ARPP21: variants seen among roughly 807,000 people sequenced by gnomAD.
ARPP21 encodes cAMP-regulated phosphoprotein 21.
ARPP21 carries 69 observed loss-of-function variants against 113.2 expected under a neutral mutation model. That is an observed-to-expected ratio of 0.61 (90% CI 0.50 to 0.74). The LOEUF is 0.74. Among genes scored for constraint, ARPP21 ranks in the 30% least tolerant of loss-of-function variants. The pLI is 0.00. For missense variants in ARPP21, 1,070 were observed against 1,037.4 expected, an observed-to-expected ratio of 1.03 and a Z score of -0.43; for synonymous variants, 368 against 375.5, an observed-to-expected ratio of 0.98 and a Z score of 0.23.
intron 15 of ARPP21, among the ~76,000 whole-genome samples, chr3:35,735,776 C>T (rs1214269544): frequency 6.6e-6 from 1 of 152,194 alleles, no homozygotes. Context: ...CCCACTGCTC[C>T]TTTTCCAATA....
chr3:35,694,865 A>G (rs775299574), intron 9 of ARPP21, among the ~76,000 whole-genome samples: 28 of 149,788 alleles, frequency 1.9e-4, no homozygotes, highest in Admixed American at 4.7e-4. Flanking sequence ...TACTGCCACA[A>G]GATGTGATTT....
chr3:35,731,596 T>C (rs1264741550), intron 15 of ARPP21, among the ~76,000 whole-genome samples: 3 of 152,224 alleles, frequency 2.0e-5, no homozygotes, highest in Non-Finnish European at 4.4e-5. Flanking sequence ...TATGTGTATG[T>C]ACATATATGC....
intron 1 of ARPP21, among the ~76,000 whole-genome samples, chr3:35,667,897 G>A (rs4025937): frequency 0.084 from 5,764 of 68,282 alleles, 484 homozygotes; most frequent in Middle Eastern, 0.14. Flanking sequence ...AAGAGGAAGA[G>A]GAAGAGGAAG....
At chr3:35,710,100 G>A (rs142010260) in intron 11 of ARPP21, among the ~76,000 whole-genome samples, 11 of 152,202 alleles carry the variant, frequency 7.2e-5, no homozygotes, top group African/African-American at 1.2e-4. Context: ...CTTCTTTCAC[G>A]TTTATATCCC....
rs750274880 is a variant in ARPP21 at position 35,744,603 on chromosome 3, C to G, written c.2137+638C>G. 1.2e-5 allele frequency: 6 copies of G among 482,584 alleles called. 1 individual carries two copies. Among genetic ancestry groups the G allele is most frequent in the South Asian group, 9.5e-5 (6 of 63,042 alleles). 29.9% of individuals were successfully genotyped at this position (482,584 alleles called of 1,614,324 possible). ...CGTTATCCAAAGAGCAGCACGAACCCGACAGGGCTGAGTGGCTTGTGCTAG... is the reference window on the plus strand; with the variant it reads ...CGTTATCCAAAGAGCAGCACGAACCGGACAGGGCTGAGTGGCTTGTGCTAG... On this transcript the variant is annotated intron_variant, in intron 19 of 20. Coordinates refer to ENST00000684406, the MANE Select transcript of ARPP21 (RefSeq NM_001385562.1).
intron 19 of ARPP21, chr3:35,792,161 A>G (rs1476426496): frequency 1.9e-6 from 1 of 525,838 alleles, no homozygotes; most frequent in Admixed American, 3.2e-5. Flanking sequence ...ATTCTGCATA[A>G]CAATAGAAAT....
chr3:35,792,533 G>A lies in ARPP21; in HGVS notation c.2286+3G>A, dbSNP rs60254370. 47 of 1,613,816 alleles carry A rather than the reference G, an allele frequency of 2.9e-5. No homozygotes were observed. In the East Asian group the frequency reaches 1.0e-3, roughly 36 times the overall value. ...ACCCAACAATGTCTTCTTATCAGGT[G>A]CTCATAAGCAGCTTGGAAAATTGTG... On this transcript the variant is annotated splice_donor_region_variant and intron_variant, in intron 20 of 20. Transcript: ENST00000684406.
intron 1 of ARPP21, among the ~76,000 whole-genome samples, chr3:35,663,369 C>T (rs192368476): frequency 2.3e-4 from 35 of 152,294 alleles, no homozygotes; most frequent in Non-Finnish European, 4.0e-4. Context: ...CCCACCTGGA[C>T]TGAAGCCCAG....
At chr3:35,664,681 C>T (rs1709383926) in intron 1 of ARPP21, among the ~76,000 whole-genome samples, 1 of 152,076 alleles carries the variant, frequency 6.6e-6, no homozygotes. Flanking sequence ...GAGCAGGTGG[C>T]GGCGGGGGCT....
intron 15 of ARPP21, 110 bp from the exon 16 acceptor site, chr3:35,737,068 T>G: frequency 1.5e-6 from 1 of 650,190 alleles, no homozygotes. Context: ...AGATTTCCAC[T>G]GCCCTGCCCC....
intron 19 of ARPP21, among the ~76,000 whole-genome samples, chr3:35,756,932 T>A (rs1417311864): frequency 6.6e-6 from 1 of 152,174 alleles, no homozygotes; most frequent in African/African-American, 2.4e-5. Context: ...TAGGTTTGCA[T>A]TAATTTTTGT....
chr3:35,684,145 T>C, intron 5 of ARPP21: 1 of 1,439,408 alleles, frequency 6.9e-7, no homozygotes, highest in Non-Finnish European at 9.2e-7. Context: ...GAACCAAATA[T>C]AATCCCAAGT....
intron 19 of ARPP21, among the ~76,000 whole-genome samples, chr3:35,781,256 G>A (rs760790591): frequency 6.6e-6 from 1 of 152,150 alleles, no homozygotes; most frequent in Non-Finnish European, 1.5e-5. Flanking sequence ...ATGATGAAAT[G>A]CAAGTATTGC....
At chr3:35,676,595 G>A (rs1319637898) in intron 1 of ARPP21, among the ~76,000 whole-genome samples, 1 of 151,798 alleles carries the variant, frequency 6.6e-6, no homozygotes, top group African/African-American at 2.4e-5. Context: ...TAATTAAAGG[G>A]TAAAGCTCCT....
At chr3:35,677,512 G>C (rs538008502) in intron 1 of ARPP21, among the ~76,000 whole-genome samples, 5 of 151,864 alleles carry the variant, frequency 3.3e-5, no homozygotes, top group African/African-American at 4.8e-5. Flanking sequence ...ATGGTAAATA[G>C]TTTACAGCAT....
At chr3:35,765,103 T>C (rs1197974405) in intron 19 of ARPP21, among the ~76,000 whole-genome samples, 1 of 152,154 alleles carries the variant, frequency 6.6e-6, no homozygotes, top group Admixed American at 6.6e-5. Flanking sequence ...TTTTAAGTAA[T>C]TGAACTTATA....
At chr3:35,711,465 A>G (rs2091095557) in intron 11 of ARPP21, among the ~76,000 whole-genome samples, 1 of 152,238 alleles carries the variant, frequency 6.6e-6, no homozygotes, top group African/African-American at 2.4e-5. Context: ...GAGATATGCA[A>G]TCATACCACT....
intron 11 of ARPP21, among the ~76,000 whole-genome samples, chr3:35,713,843 A>C (rs768928676): frequency 6.6e-6 from 1 of 152,178 alleles, no homozygotes; most frequent in Non-Finnish European, 1.5e-5. Flanking sequence ...CAATAATTCC[A>C]ATATCCAGAC....
Position 35,739,555 on chromosome 3 carries a change from T to C in ARPP21, c.1988T>C (p.Val663Ala), listed in dbSNP as rs753140826. Residue 663 changes from valine to alanine, a missense_variant, in exon 18 of 21, where the codon GTG (valine) becomes GCG (alanine). By Grantham distance (64) the Val-to-Ala change is moderately conservative. Transcript: ENST00000684406. ...LQPPPSPQGFVQQPPPAQMPV... is the reference protein window; with the variant it reads ...LQPPPSPQGFAQQPPPAQMPV... ...CCCCCTCCCTCACCACAGGGATTTG[T>C]GCAACAGCCTCCGCCTGCACAGGTA... is the stretch of plus-strand genomic sequence containing the variant. 4.3e-6 allele frequency: 7 copies of C among 1,613,442 alleles called. No individual in the cohort carries two copies. The East Asian group carries it at 1.1e-4, about 26-fold the overall frequency.
Sources: allele counts gnomAD v4.1 joint callset (sites outside exome capture counted in the v4.1 genomes callset), GRCh38; gene constraint gnomAD v4.1.1; transcripts MANE v1.5; gene names NCBI Gene and HGNC (gene_info 2026-07-23, HGNC 2026-07-21).